The following ZNF385B variants were observed in gnomAD, a reference collection of about 807,000 sequenced individuals.
The protein encoded by ZNF385B is zinc finger protein 385B.
ZNF385B carries 23 observed loss-of-function variants against 39.2 expected under a neutral mutation model. The observed-to-expected ratio is 0.59, with a 90% CI of 0.42 to 0.83. The LOEUF (loss-of-function observed/expected upper bound fraction) is 0.83. Ranked by LOEUF, ZNF385B falls within the 40% of genes least tolerant of loss-of-function variation. ZNF385B has a pLI of 0.00. For synonymous variants in ZNF385B, 205 were observed against 222.6 expected (o/e 0.92, Z 0.70); for missense variants, 552 against 598.9 (o/e 0.92, Z 0.82).
At chr2:179,580,807 T>G (rs1354991402) in intron 3 of ZNF385B, among the ~76,000 whole-genome samples, 1 of 152,192 alleles carries the variant, frequency 6.6e-6, no homozygotes. Context: ...CCAAGCAAAC[T>G]AATATAGCTG....
intron 3 of ZNF385B, among the ~76,000 whole-genome samples, chr2:179,590,668 G>A (rs1687479076): frequency 1.3e-5 from 2 of 152,106 alleles, no homozygotes; most frequent in Non-Finnish European, 2.9e-5. Flanking sequence ...TGTGTCAAGG[G>A]AGGGACCTTG....
intron 1 of ZNF385B, among the ~76,000 whole-genome samples, chr2:179,793,661 C>T (rs1705479944): frequency 1.3e-5 from 2 of 152,230 alleles, no homozygotes; most frequent in African/African-American, 2.4e-5. Flanking sequence ...GTCAATTAAA[C>T]CTCTTTTCTT....
intron 4 of ZNF385B, among the ~76,000 whole-genome samples, chr2:179,542,760 A>T (rs1213988389): frequency 6.6e-6 from 1 of 152,188 alleles, no homozygotes; most frequent in Non-Finnish European, 1.5e-5. Flanking sequence ...GCAATTGTAA[A>T]AAAAAACTGT....
intron 3 of ZNF385B, among the ~76,000 whole-genome samples, chr2:179,727,139 C>T (rs918440559): frequency 6.6e-6 from 1 of 151,984 alleles, no homozygotes; most frequent in African/African-American, 2.4e-5. Flanking sequence ...GAGATCTCAG[C>T]TGCCTTTAAA....
At chr2:179,790,403 A>G (rs1263210851) in intron 1 of ZNF385B, among the ~76,000 whole-genome samples, 5 of 152,216 alleles carry the variant, frequency 3.3e-5, no homozygotes. Flanking sequence ...CACATCAGAA[A>G]CACCCAGTAA....
At chr2:179,758,009 G>A (rs567845111) in intron 3 of ZNF385B, among the ~76,000 whole-genome samples, 28 of 152,176 alleles carry the variant, frequency 1.8e-4, no homozygotes, top group South Asian at 1.7e-3. Flanking sequence ...GATTAACCCC[G>A]TACCTCAGTT....
intron 4 of ZNF385B, among the ~76,000 whole-genome samples, chr2:179,519,898 A>G (rs2058361423): frequency 6.6e-6 from 1 of 152,236 alleles, no homozygotes; most frequent in Admixed American, 6.5e-5. Flanking sequence ...AGAAGAAGCT[A>G]AATACATTAG....
chr2:179,469,553 G>C, intron 6 of ZNF385B, among the ~76,000 whole-genome samples: 1 of 152,130 alleles, frequency 6.6e-6, no homozygotes, highest in East Asian at 1.9e-4. Context: ...TGACCCAAAG[G>C]AAAATCATCA....
rs370441083 is a variant in ZNF385B at position 179,769,537 on chromosome 2, G to A, written c.264C>T (p.Pro88=). 1.7e-5 allele frequency: 27 copies of A among 1,613,896 alleles called. No homozygotes were observed. Among genetic ancestry groups the A allele is most frequent in the South Asian group, 1.2e-4 (11 of 91,074 alleles). ...TGTTGCTGCTGGGGCTGGCCTGGGC[G>A]GGTGGTGGGGGCTGCCCATCACTCA... ...KQLSDGQPPP[P]AQASPSSNSS... Residue 88 remains proline (P), a synonymous_variant, in exon 3 of 10, where the codon CCC becomes CCT. Coordinates refer to ENST00000410066, the MANE Select transcript of ZNF385B (RefSeq NM_152520.6).
intron 3 of ZNF385B, among the ~76,000 whole-genome samples, chr2:179,613,263 A>G (rs1477857043): frequency 6.6e-6 from 1 of 152,110 alleles, no homozygotes; most frequent in Non-Finnish European, 1.5e-5. Context: ...TCCAAGACAA[A>G]GTCTCCTTTA....
At chr2:179,811,090 A>G (rs759342931) in intron 1 of ZNF385B, among the ~76,000 whole-genome samples, 1 of 152,124 alleles carries the variant, frequency 6.6e-6, no homozygotes, top group Admixed American at 6.6e-5. Context: ...ATACCTAGGA[A>G]TACATCTAAC....
chr2:179,454,938 T>C (rs116588569), intron 6 of ZNF385B, among the ~76,000 whole-genome samples: 1,765 of 152,238 alleles, frequency 0.012, 25 homozygotes, highest in Non-Finnish European at 0.018. Flanking sequence ...GAAGAAAGAA[T>C]TTTTCTAAAA....
intron 5 of ZNF385B, among the ~76,000 whole-genome samples, chr2:179,516,754 A>C (rs1261849794): frequency 1.3e-5 from 2 of 152,040 alleles, no homozygotes; most frequent in African/African-American, 4.8e-5. Context: ...AGAAGTTTTA[A>C]ATTTTGATAA....
rs910899538 is a variant in ZNF385B at position 179,450,306 on chromosome 2, C to T, written c.716-3536G>A. Among the ~76,000 whole-genome samples, 130 of 152,024 alleles carry T rather than the reference C, an allele frequency of 8.6e-4. 1 individual carries two copies. Among genetic ancestry groups the T allele is most frequent in the African/African-American group, 2.0e-3 (82 of 41,464 alleles). On this transcript the variant is annotated intron_variant, in intron 6 of 9. Transcript: ENST00000410066. ...ACAGCAAAAGAAACTACCATCAGAGCGAACAGGCAACCTACAGAATGGGAG... is the reference window on the plus strand; with the variant it reads ...ACAGCAAAAGAAACTACCATCAGAGTGAACAGGCAACCTACAGAATGGGAG...
At chr2:179,514,060 G>T (rs992694907) in intron 5 of ZNF385B, 3 of 152,194 alleles carry the variant, frequency 2.0e-5, no homozygotes, top group African/African-American at 7.2e-5. Flanking sequence ...TATAAACTTA[G>T]TGGCTTAAAA....
chr2:179,549,061 G>A (rs943555049), intron 3 of ZNF385B, among the ~76,000 whole-genome samples: 1 of 149,286 alleles, frequency 6.7e-6, no homozygotes, highest in African/African-American at 2.5e-5. Context: ...ATCATATAAT[G>A]TGTGATGTGG....
intron 1 of ZNF385B, among the ~76,000 whole-genome samples, chr2:179,802,131 C>T (rs924318796): frequency 3.9e-5 from 6 of 152,136 alleles, no homozygotes; most frequent in Non-Finnish European, 8.8e-5. Context: ...TTTCTTATTT[C>T]ATCAGAGGTA....
rs142522817 is a variant in ZNF385B, at chr2:179,468,622, G to C, written c.715+14650C>G. On this transcript the variant is annotated intron_variant, in intron 6 of 9. Transcript: ENST00000410066. Reference sequence around the variant, plus strand: ...GAGGAAACAGATTCACAAGGTACAAGTAAAACATTTGAATTCGGGTCTCCT... The same window carrying C: ...GAGGAAACAGATTCACAAGGTACAACTAAAACATTTGAATTCGGGTCTCCT... Among the ~76,000 whole-genome samples, 774 of 152,282 alleles carry C rather than the reference G, an allele frequency of 5.1e-3. 24 individuals carry two copies. The highest frequency in any genetic ancestry group is 1.3e-3 in the Non-Finnish European group (89 of 68,026).
intron 6 of ZNF385B, among the ~76,000 whole-genome samples, chr2:179,454,522 G>A (rs1413042533): frequency 6.6e-6 from 1 of 151,994 alleles, no homozygotes; most frequent in Non-Finnish European, 1.5e-5. Flanking sequence ...AAAAATTAAA[G>A]TTATCTGTAA....
Sources: allele counts gnomAD v4.1 joint callset (sites outside exome capture counted in the v4.1 genomes callset), GRCh38; gene constraint gnomAD v4.1.1; transcripts MANE v1.5; gene names NCBI Gene and HGNC (gene_info 2026-07-23, HGNC 2026-07-21).